The following SYCE2 variants were observed in gnomAD, a reference collection of about 807,000 sequenced individuals.
SYCE2 encodes synaptonemal complex central element protein 2.
Under a neutral mutation model 27.9 loss-of-function variants are expected in SYCE2, and 3 were observed. The ratio of observed to expected loss-of-function variants is 0.11; its 90% CI spans 0.05 to 0.28. The LOEUF (loss-of-function observed/expected upper bound fraction) is 0.28, where lower values mean the gene tolerates loss of function less well. SYCE2 is among the 10% of genes least tolerant of loss of function. The probability of loss-of-function intolerance (pLI) is 1.00; values close to 1 mark genes in which losing one functional copy is unlikely to be tolerated. For missense variants in SYCE2, 207 were observed against 263.5 expected, an observed-to-expected ratio of 0.79 and a Z score of 1.48; for synonymous variants, 85 against 100.7, an observed-to-expected ratio of 0.84 and a Z score of 0.93.
intron 2 of SYCE2, chr19:12,906,211 C>T (rs2145969990): frequency 1.3e-5 from 2 of 152,372 alleles, no homozygotes; most frequent in Non-Finnish European, 1.5e-5. Flanking sequence ...CTTTCCCAAC[C>T]TACTGGGTGA....
chr19:12,899,916 T>C (rs978421756), intron 5 of SYCE2, 88 bp downstream of exon 5: 24 of 1,608,660 alleles, frequency 1.5e-5, no homozygotes, highest in Non-Finnish European at 2.0e-5. Context: ...TAGTGCCTTA[T>C]GCTGGGTGTT....
At chr19:12,914,536 A>G (rs1286779192) in intron 2 of SYCE2, among the ~76,000 whole-genome samples, 1 of 143,980 alleles carries the variant, frequency 6.9e-6, no homozygotes, top group Non-Finnish European at 1.5e-5. Context: ...CACCCCCCAT[A>G]AAAGCCTCCC....
rs143781969 is a variant in SYCE2 at position 12,911,908 on chromosome 19, G to A, written c.131+6314C>T. 5.6e-3 allele frequency among the ~76,000 whole-genome samples: 820 copies of A among 147,350 alleles called. 7 individuals carry two copies. Among genetic ancestry groups the A allele is most frequent in the African/African-American group, 0.018 (729 of 39,996 alleles). On this transcript the variant is annotated intron_variant, in intron 2 of 5. Transcript: ENST00000293695. ...GCTGGGATTACAGGCGTGAGCCACC[G>A]TGCCCAGTGCAGCCTTACTGTTTTC...
chr19:12,899,592 C>T (rs959884033), intron 5 of SYCE2: 1 of 1,613,830 alleles, frequency 6.2e-7, no homozygotes, highest in Non-Finnish European at 8.5e-7. Flanking sequence ...GGAGAGATGC[C>T]TGGCTGGACC....
chr19:12,910,929 G>T (rs1008204518), intron 2 of SYCE2, among the ~76,000 whole-genome samples: 1 of 151,854 alleles, frequency 6.6e-6, no homozygotes, highest in South Asian at 2.1e-4. Context: ...CGCCCGTCTC[G>T]GCCTCCCAAA....
chr19:12,906,331 A>G (rs796983842), intron 2 of SYCE2: 13 of 152,332 alleles, frequency 8.5e-5, no homozygotes, highest in African/African-American at 3.1e-4. Flanking sequence ...CGCACACACA[A>G]AAAGTTGTTG....
chr19:12,900,246 A>G, intron 4 of SYCE2, 126 bp from the exon 5 acceptor site: 1 of 1,231,652 alleles, frequency 8.1e-7, no homozygotes, highest in Non-Finnish European at 1.1e-6. Context: ...CTGCTCATAC[A>G]ACAGTGGGAC....
chr19:12,899,595 G>C (rs989694823), intron 5 of SYCE2: 6 of 1,613,692 alleles, frequency 3.7e-6, no homozygotes, highest in Non-Finnish European at 5.1e-6. Flanking sequence ...GAGATGCCTG[G>C]CTGGACCGTA....
At chr19:12,900,850 C>T (rs1970819831) in intron 3 of SYCE2, among the ~76,000 whole-genome samples, 1 of 152,064 alleles carries the variant, frequency 6.6e-6, no homozygotes, top group Non-Finnish European at 1.5e-5. Flanking sequence ...TCAAGACCAA[C>T]CTGGCCAACA....
Position 12,907,778 on chromosome 19 carries a change from G to A in SYCE2, c.132-3112C>T, listed in dbSNP as rs551300294. 2.6e-5 allele frequency among the ~76,000 whole-genome samples: 4 copies of A among 151,638 alleles called. No individual in the cohort carries two copies. The East Asian group carries it at 5.8e-4, about 22-fold the overall frequency. ...TGCACTCCAGCCTGGGCAACAGAGC[G>A]AGACTCCATCTCAAAAATATAAAAT... is the stretch of plus-strand genomic sequence containing the variant. On this transcript the variant is annotated intron_variant, in intron 2 of 5. Coordinates refer to ENST00000293695, the MANE Select transcript of SYCE2 (RefSeq NM_001105578.2).
intron 2 of SYCE2, among the ~76,000 whole-genome samples, chr19:12,908,179 C>A (rs1017494587): frequency 6.6e-6 from 1 of 151,752 alleles, no homozygotes; most frequent in African/African-American, 2.4e-5. Flanking sequence ...ACATATACAC[C>A]CCTCCCCTCT....
intron 2 of SYCE2, among the ~76,000 whole-genome samples, chr19:12,907,401 A>C (rs1462664103): frequency 6.6e-6 from 1 of 152,194 alleles, no homozygotes; most frequent in Non-Finnish European, 1.5e-5. Flanking sequence ...GAGGTCCTCC[A>C]GCTCTGAAAG....
intron 2 of SYCE2, among the ~76,000 whole-genome samples, chr19:12,911,615 CTTTTT>C (rs71168633): frequency 1.9e-4 from 20 of 103,746 alleles, no homozygotes; most frequent in Non-Finnish European, 3.4e-4. Flanking sequence ...TAATTTTTGC[CTTTTT>C]TTTTTTTTTT....
intron 3 of SYCE2, among the ~76,000 whole-genome samples, chr19:12,901,097 C>T (rs986786744): frequency 6.6e-6 from 1 of 150,932 alleles, no homozygotes; most frequent in Non-Finnish European, 1.5e-5. Flanking sequence ...TGAACCCGGG[C>T]GGCGGAGCTT....
At chr19:12,907,529 G>T (rs1222587814) in intron 2 of SYCE2, among the ~76,000 whole-genome samples, 1 of 152,156 alleles carries the variant, frequency 6.6e-6, no homozygotes, top group Non-Finnish European at 1.5e-5. Context: ...AGTGGCTCAC[G>T]CCTGTAATCC....
At chr19:12,900,409 C>T in intron 4 of SYCE2, 51 bp downstream of exon 4, 1 of 1,577,404 alleles carries the variant, frequency 6.3e-7, no homozygotes, top group Non-Finnish European at 8.6e-7. Flanking sequence ...TTGGCTGGGC[C>T]ATCCCTGTCC....
intron 3 of SYCE2, among the ~76,000 whole-genome samples, chr19:12,902,398 G>A (rs1481859790): frequency 6.6e-6 from 1 of 152,202 alleles, no homozygotes; most frequent in East Asian, 1.9e-4. Context: ...TTTTCTACTA[G>A]AGGCCAAGGC....
In SYCE2 at chr19:12,904,677, C is replaced by T. The variant is rs370686409; in HGVS notation, c.132-11G>A. 1.6e-5 allele frequency: 25 copies of T among 1,612,540 alleles called. No individual in the cohort carries two copies. Among genetic ancestry groups the T allele is most frequent in the African/African-American group, 6.7e-5 (5 of 74,796 alleles). On this transcript the variant is annotated splice_polypyrimidine_tract_variant and intron_variant, in intron 2 of 5. Coordinates refer to ENST00000293695, the MANE Select transcript of SYCE2 (RefSeq NM_001105578.2). ...AGCTGGCAACTGGCACTGGAGGTGGCGACACAAGGGCAAGAAACCTGACTT... is the reference window on the plus strand; with the variant it reads ...AGCTGGCAACTGGCACTGGAGGTGGTGACACAAGGGCAAGAAACCTGACTT...
chr19:12,910,920 G>A (rs576299986), intron 2 of SYCE2, among the ~76,000 whole-genome samples: 1 of 151,858 alleles, frequency 6.6e-6, no homozygotes, highest in South Asian at 2.1e-4. Flanking sequence ...CTCATGATCC[G>A]CCCGTCTCGG....
Sources: gnomAD v4.1 joint callset for allele counts (sites outside exome capture counted in the v4.1 genomes callset) on GRCh38, gnomAD v4.1.1 for gene constraint, MANE v1.5 for transcripts, NCBI Gene and HGNC (gene_info 2026-07-23, HGNC 2026-07-21) for gene names.